TRPC4: variants seen among roughly 807,000 people sequenced by gnomAD.
TRPC4 encodes the protein transient receptor potential cation channel subfamily C member 4.
TRPC4 carries 49 observed loss-of-function variants against 99.4 expected under a neutral mutation model. That is an observed-to-expected ratio of 0.49 (90% CI 0.39 to 0.63). The LOEUF (loss-of-function observed/expected upper bound fraction) is 0.63. TRPC4 is among the 20% of genes least tolerant of loss of function. The probability of loss-of-function intolerance (pLI) is 0.00; values close to 1 mark genes in which losing one functional copy is unlikely to be tolerated. For missense variants in TRPC4, 898 were observed against 1,152.9 expected, an observed-to-expected ratio of 0.78 and a Z score of 3.20; for synonymous variants, 454 against 425.9, an observed-to-expected ratio of 1.07 and a Z score of -0.81.
At chr13:37,808,261 A>G (rs988462262) in intron 1 of TRPC4, among the ~76,000 whole-genome samples, 1 of 152,138 alleles carries the variant, frequency 6.6e-6, no homozygotes, top group Admixed American at 6.6e-5. Context: ...GAAATTGAAA[A>G]GAAAATGATA....
intron 2 of TRPC4, among the ~76,000 whole-genome samples, chr13:37,750,184 C>T (rs559147233): frequency 1.6e-3 from 238 of 152,116 alleles, no homozygotes; most frequent in Middle Eastern, 6.8e-3. Context: ...TTCAATTCTG[C>T]GAAATATTTC....
At chr13:37,852,548 G>A (rs1297968811) in intron 1 of TRPC4, among the ~76,000 whole-genome samples, 2 of 152,146 alleles carry the variant, frequency 1.3e-5, no homozygotes, top group Non-Finnish European at 2.9e-5. Flanking sequence ...CAGCAATGGT[G>A]GCTATTATAA....
intron 2 of TRPC4, among the ~76,000 whole-genome samples, chr13:37,782,714 C>A (rs1454422314): frequency 1.3e-5 from 2 of 151,902 alleles, no homozygotes; most frequent in Non-Finnish European, 2.9e-5. Context: ...CTTTATTTTG[C>A]TTTAGCTTTC....
chr13:37,761,986 T>C (rs2139243395), intron 2 of TRPC4, among the ~76,000 whole-genome samples: 1 of 152,008 alleles, frequency 6.6e-6, no homozygotes, highest in Middle Eastern at 3.4e-3. Flanking sequence ...AACAATTAAA[T>C]ATTATTTGTA....
intron 1 of TRPC4, among the ~76,000 whole-genome samples, chr13:37,791,230 A>G (rs537892585): frequency 6.6e-6 from 1 of 151,940 alleles, no homozygotes; most frequent in East Asian, 1.9e-4. Flanking sequence ...TGTCTCTACT[A>G]AAAATATGAA....
At chr13:37,681,659 G>A (rs1282900207) in intron 4 of TRPC4, among the ~76,000 whole-genome samples, 2 of 152,134 alleles carry the variant, frequency 1.3e-5, no homozygotes, top group Non-Finnish European at 2.9e-5. Flanking sequence ...AATAAAAAAC[G>A]AATTCAGCTA....
intron 2 of TRPC4, 115 bp downstream of exon 2, chr13:37,782,841 A>T: frequency 9.4e-7 from 1 of 1,059,354 alleles, no homozygotes; most frequent in Non-Finnish European, 1.3e-6. Flanking sequence ...TTTGAAGCTT[A>T]TATTTCTTAA....
At chr13:37,829,635 A>C (rs1392108484) in intron 1 of TRPC4, among the ~76,000 whole-genome samples, 2 of 152,210 alleles carry the variant, frequency 1.3e-5, no homozygotes, top group Non-Finnish European at 2.9e-5. Context: ...CAGCAATTCT[A>C]CTTCTAGATA....
chr13:37,746,233 T>C lies in TRPC4; in HGVS notation c.601A>G (p.Lys201Glu). The change falls in exon 3 of 11, where the codon AAG (lysine) becomes GAG (glutamate). Residue 201 changes from lysine to glutamate, a missense_variant. Physicochemically the swap from Lys to Glu is moderately conservative, Grantham distance 56. This residue lies in a region of TRPC4 where 278 missense variants were observed against 346.6 expected (regional missense o/e 0.80). Transcript: ENST00000379705. Reference protein sequence around the residue: ...RHSRSRLNIYKALASPSLIAL... With the variant: ...RHSRSRLNIYEALASPSLIAL... ...ATGAGAGAGGGACTGGCCAAGGCCT[T>C]GTAGATGTTGAGTCTGGAGCGTGAG... The C allele has an allele frequency of 6.2e-7, 1 of 1,613,820 alleles. No homozygotes were observed. The highest frequency in any genetic ancestry group is 1.1e-5 in the South Asian group (1 of 91,076).
intron 4 of TRPC4, among the ~76,000 whole-genome samples, chr13:37,674,671 T>C (rs965401051): frequency 3.9e-5 from 6 of 152,166 alleles, no homozygotes; most frequent in Admixed American, 2.0e-4. Context: ...ATATTTCCCT[T>C]GGAAAATAAC....
intron 3 of TRPC4, among the ~76,000 whole-genome samples, chr13:37,734,522 A>G (rs1448647950): frequency 6.6e-6 from 1 of 152,124 alleles, no homozygotes; most frequent in Non-Finnish European, 1.5e-5. Flanking sequence ...GCTGCCAGCA[A>G]GATTTCCAGC....
At chr13:37,699,809 T>C (rs1800183215) in intron 3 of TRPC4, among the ~76,000 whole-genome samples, 1 of 152,218 alleles carries the variant, frequency 6.6e-6, no homozygotes, top group Non-Finnish European at 1.5e-5. Context: ...TTTCATATGA[T>C]GATAGTGTTG....
Position 37,637,208 on chromosome 13 carries a change from C to A in TRPC4, c.2629G>T (p.Ala877Ser), listed in dbSNP as rs912360920. ...TGAATATTTCTCTCAAGTGGTCCTG[C>A]AGCCTGTTGACGAGCAACTTCTTCT... ...VSEEVARQQA[A>S]GPLERNIQLE... is the part of the protein sequence containing the mutation. The change falls in exon 11 of 11, where the codon GCA becomes TCA. Residue 877 changes from alanine (A) to serine (S), a missense_variant. This residue lies in a region of TRPC4 where 346 missense variants were observed against 351.4 expected (regional missense o/e 0.98). Coordinates refer to ENST00000379705, the MANE Select transcript of TRPC4 (RefSeq NM_016179.4). The A allele has an allele frequency of 2.1e-5, 34 of 1,613,820 alleles. No individual in the cohort carries two copies. The highest frequency in any genetic ancestry group is 2.8e-5 in the Non-Finnish European group (33 of 1,179,902).
At chr13:37,824,520 A>G (rs1368604001) in intron 1 of TRPC4, among the ~76,000 whole-genome samples, 5 of 152,082 alleles carry the variant, frequency 3.3e-5, no homozygotes, top group Admixed American at 1.3e-4. Context: ...TTCTGAATCT[A>G]TTGAGATAAT....
chr13:37,668,747 A>G (rs1199047568), intron 5 of TRPC4, among the ~76,000 whole-genome samples: 2 of 152,222 alleles, frequency 1.3e-5, no homozygotes, highest in East Asian at 3.8e-4. Flanking sequence ...AATTAAATTA[A>G]TATGAAATAA....
intron 1 of TRPC4, among the ~76,000 whole-genome samples, chr13:37,833,597 A>C (rs535761562): frequency 1.3e-5 from 2 of 152,316 alleles, no homozygotes; most frequent in Admixed American, 1.3e-4. Context: ...CTTTGGGTCT[A>C]GAACATCAGC....
intron 1 of TRPC4, among the ~76,000 whole-genome samples, chr13:37,798,295 G>C (rs1206170423): frequency 1.3e-5 from 2 of 151,982 alleles, no homozygotes; most frequent in Admixed American, 1.3e-4. Context: ...CCTAGAGCTC[G>C]GCTATTTCTC....
intron 1 of TRPC4, among the ~76,000 whole-genome samples, chr13:37,785,852 G>A (rs1310734814): frequency 6.6e-6 from 1 of 151,922 alleles, no homozygotes; most frequent in Non-Finnish European, 1.5e-5. Context: ...GAGGAAGAGG[G>A]AAGATAAAAA....
intron 1 of TRPC4, among the ~76,000 whole-genome samples, chr13:37,816,511 C>T (rs893354072): frequency 1.4e-4 from 22 of 151,950 alleles, no homozygotes; most frequent in African/African-American, 5.1e-4. Flanking sequence ...AGAAAAGACT[C>T]CTCCCTAACT....
Sources: gnomAD v4.1 joint callset for allele counts (sites outside exome capture counted in the v4.1 genomes callset) on GRCh38, gnomAD v4.1.1 for gene constraint, gnomAD v4.1.1 regional missense constraint, MANE v1.5 for transcripts, NCBI Gene and HGNC (gene_info 2026-07-23, HGNC 2026-07-21) for gene names.